The following MRS2 variants were observed in gnomAD, a reference collection of about 807,000 sequenced individuals.
MRS2 encodes the protein magnesium transporter MRS2, also known as magnesium transporter MRS2 homolog, mitochondrial.
MRS2 carries 40 observed loss-of-function variants against 52.6 expected under a neutral mutation model. The ratio of observed to expected loss-of-function variants is 0.76; its 90% CI spans 0.59 to 0.99. The LOEUF (loss-of-function observed/expected upper bound fraction) is 0.99, where lower values mean the gene tolerates loss of function less well. MRS2 is among the 50% of genes least tolerant of loss of function. MRS2 has a pLI of 0.00. For synonymous variants in MRS2, 193 were observed against 195.9 expected, an observed-to-expected ratio of 0.98 and a Z score of 0.13; for missense variants, 472 against 532.7, an observed-to-expected ratio of 0.89 and a Z score of 1.12.
At chr6:24,414,897 AGAATTAT>A in intron 5 of MRS2, 129 bp from the exon 6 acceptor site, 1 of 699,016 alleles carries the variant, frequency 1.4e-6, no homozygotes, top group Non-Finnish European at 2.2e-6. Flanking sequence ...TAGGCATTCT[AGAATTAT>A]CTATGTTCTG....
At chr6:24,405,342 A>G in intron 2 of MRS2, 101 bp downstream of exon 2, 2 of 832,312 alleles carry the variant, frequency 2.4e-6, no homozygotes, top group Non-Finnish European at 4.0e-6. Context: ...TTTGAGCTTT[A>G]TAATCATCAT....
rs577157528 is a variant in MRS2 at position 24,411,614 on chromosome 6, C to T, written c.415-608C>T. 5.3e-5 allele frequency among the ~76,000 whole-genome samples: 8 copies of T among 152,350 alleles called. No individual in the cohort carries two copies. In the South Asian group the frequency reaches 1.4e-3, roughly 28 times the overall value. ...AGTGCAGTGGCACAATCTCAGCTCA[C>T]TGCAAACTCCGCCTCCCAGGTTCAA... On this transcript the variant is annotated intron_variant, in intron 4 of 10. Coordinates refer to ENST00000378386, the MANE Select transcript of MRS2 (RefSeq NM_020662.4).
At position 24,403,191 on chromosome 6, in the gene MRS2, A is replaced by G. The variant is rs1761342911; in HGVS notation, c.145A>G (p.Ser49Gly). The G allele has an allele frequency of 6.2e-7, 1 of 1,605,080 alleles. No individual in the cohort carries two copies. Among genetic ancestry groups the G allele is most frequent in the Admixed American group, 1.7e-5 (1 of 59,944 alleles). Residue 49 changes from serine (S) to glycine (G), a missense_variant, in exon 1 of 11, where the codon AGC becomes GGC. Physicochemically the swap from Ser to Gly is moderately conservative, Grantham distance 56 (BLOSUM62 0). Transcript: ENST00000378386. Reference protein sequence around the residue: ...CGRRANLIGRSRAAQLCGPDR... With the variant: ...CGRRANLIGRGRAAQLCGPDR... ...CCGCCGAGCCAACCTGATTGGAAGG[A>G]GCCGAGCGGCGCAGCTTTGCGGGCC...
chr6:24,404,696 A>G (rs1420863904), intron 1 of MRS2, among the ~76,000 whole-genome samples: 2 of 152,252 alleles, frequency 1.3e-5, no homozygotes, highest in Admixed American at 6.5e-5. Context: ...AAGTAAAATC[A>G]TAGGTTTCAT....
chr6:24,405,370 G>A (rs1419117808), intron 2 of MRS2, 129 bp downstream of exon 2: 7 of 668,936 alleles, frequency 1.0e-5, no homozygotes, highest in South Asian at 1.8e-5. Context: ...TGTCGTGGCT[G>A]TTGTGCCTGG....
At chr6:24,422,656 A>C (rs1762086419) in intron 9 of MRS2, among the ~76,000 whole-genome samples, 1 of 152,238 alleles carries the variant, frequency 6.6e-6, no homozygotes, top group Non-Finnish European at 1.5e-5. Context: ...TCATGACTTA[A>C]GATTTGCACG....
intron 1 of MRS2, among the ~76,000 whole-genome samples, chr6:24,403,646 T>C (rs912948444): frequency 2.0e-5 from 3 of 152,234 alleles, no homozygotes; most frequent in Non-Finnish European, 2.9e-5. Context: ...CTCAAACTCC[T>C]TGCCTCGAGC....
Position 24,403,139 on chromosome 6 carries a change from T to C in MRS2, c.93T>C (p.Ser31=). Residue 31 remains serine (S), a synonymous_variant, in exon 1 of 11, where the codon TCT becomes TCC. Coordinates refer to ENST00000378386, the MANE Select transcript of MRS2 (RefSeq NM_020662.4). ...GTGCCCTGGCCTTGGACGTGACCTC[T>C]GTGGGTCCTCCCGTTGCTGCCTGCG... ...TLCALALDVT[S]VGPPVAACGR... 1.2e-6 allele frequency: 2 copies of C among 1,611,578 alleles called. No individual in the cohort carries two copies. The highest frequency in any genetic ancestry group is 1.3e-5 in the African/African-American group (1 of 75,042).
At chr6:24,407,922 C>G (rs1319478153) in intron 2 of MRS2, among the ~76,000 whole-genome samples, 1 of 152,152 alleles carries the variant, frequency 6.6e-6, no homozygotes, top group Non-Finnish European at 1.5e-5. Flanking sequence ...TCCCCATGCC[C>G]CGTAGTGACA....
intron 1 of MRS2, among the ~76,000 whole-genome samples, chr6:24,404,469 G>A (rs941641812): frequency 6.6e-6 from 1 of 151,408 alleles, no homozygotes; most frequent in African/African-American, 2.4e-5. Context: ...TCAGAAATAG[G>A]TTTTTTTTTC....
chr6:24,423,593 T>C lies in MRS2; in HGVS notation c.1231T>C (p.Leu411=), dbSNP rs1762128907. 6.3e-7 allele frequency: 1 copy of C among 1,593,200 alleles called. No homozygotes were observed. Residue 411 remains leucine, a synonymous_variant, in exon 11 of 11, where the codon TTA becomes CTA. Coordinates refer to ENST00000378386, the MANE Select transcript of MRS2 (RefSeq NM_020662.4). ...CTTCTGCTTTATTTAGATGGCTTCT[T>C]TACCTAAAAAGACTCTTCTGGCAGA... The part of the protein sequence containing the change: ...EAPLPPMMAS[L]PKKTLLADRS...
In MRS2 at chr6:24,412,202, G is replaced by GT. The variant is rs533829162; in HGVS notation, c.415-20_415-19insT. 4.1e-3 allele frequency: 5,069 copies of GT among 1,225,834 alleles called. 15 individuals are homozygous for GT. The highest frequency in any genetic ancestry group is 0.022 in the African/African-American group (1,446 of 64,532). The allele number at this position is 1,225,834 out of a possible 1,614,324, so 75.9% of individuals were successfully genotyped here. On this transcript the variant is annotated intron_variant, in intron 4 of 10. Transcript: ENST00000378386. ...ATACACTCACATATTTATATGTTTT[G>GT]GTTTTTTTTTTTTTAACAGTATTTG...
chr6:24,409,410 TA>T, intron 3 of MRS2, 50 bp from the exon 4 acceptor site: 1 of 1,159,922 alleles, frequency 8.6e-7, no homozygotes. Context: ...TGGAAAAATC[TA>T]AGCCATTTAA....
intron 4 of MRS2, 33 bp downstream of exon 4, chr6:24,409,606 A>C (rs1761586846): frequency 7.5e-7 from 1 of 1,330,110 alleles, no homozygotes; most frequent in Non-Finnish European, 1.1e-6. Context: ...ATGTTTCTCC[A>C]ATACAATCTT....
At chr6:24,409,621 A>C in intron 4 of MRS2, 48 bp downstream of exon 4, 1 of 1,181,360 alleles carries the variant, frequency 8.5e-7, no homozygotes, top group Non-Finnish European at 1.2e-6. Flanking sequence ...AATCTTATAA[A>C]AGTTACCTTC....
In MRS2 at chr6:24,412,383, C is replaced by A; in HGVS notation, c.576C>A (p.Leu192=). 1.3e-6 allele frequency: 2 copies of A among 1,551,752 alleles called. No individual in the cohort carries two copies. Among genetic ancestry groups the A allele is most frequent in the Non-Finnish European group, 1.7e-6 (2 of 1,152,690 alleles). ...TTGAGTTTAGAGCTATAGAAGCACTCCTGCAATATTGGGTAAGTCTGTTTT... is the reference window on the plus strand; with the variant it reads ...TTGAGTTTAGAGCTATAGAAGCACTACTGCAATATTGGGTAAGTCTGTTTT... The part of the protein sequence containing the change: ...LPFEFRAIEA[L]LQYWINTLQG... Residue 192 remains leucine, a synonymous_variant, in exon 5 of 11, where the codon CTC becomes CTA. Transcript: ENST00000378386.
At chr6:24,420,121 G>A (rs1014314480) in intron 9 of MRS2, among the ~76,000 whole-genome samples, 3 of 152,148 alleles carry the variant, frequency 2.0e-5, no homozygotes, top group Admixed American at 6.6e-5. Flanking sequence ...CTGCCGCACC[G>A]ACTTGTCCAT....
At chr6:24,416,254 A>G (rs62401887) in intron 6 of MRS2, 143 bp from the exon 7 acceptor site, 74,576 of 482,528 alleles carry the variant, frequency 0.15, 6,881 homozygotes, top group Admixed American at 0.19. Flanking sequence ...TAAATACTCA[A>G]CTTTTTTTTT....
intron 2 of MRS2, among the ~76,000 whole-genome samples, chr6:24,405,534 A>T (rs2127280656): frequency 6.6e-6 from 1 of 152,208 alleles, no homozygotes; most frequent in Admixed American, 6.5e-5. Context: ...ACGCAGGCAG[A>T]AGCATTTTGA....
Sources: allele counts gnomAD v4.1 joint callset (sites outside exome capture counted in the v4.1 genomes callset), GRCh38; gene constraint gnomAD v4.1.1; transcripts MANE v1.5; gene names NCBI Gene and HGNC (gene_info 2026-07-23, HGNC 2026-07-21).